Variants in AGMO observed in about 807,000 individuals in gnomAD.
The protein encoded by AGMO is glyceryl-ether monooxygenase.
Under a neutral mutation model 60.2 loss-of-function variants are expected in AGMO, and 75 were observed. The observed-to-expected ratio is 1.25, with a 90% CI of 1.03 to 1.51. The LOEUF is 1.51. Among genes scored for constraint, AGMO ranks in the 40% most tolerant of loss-of-function variants. The pLI, the probability that AGMO is intolerant of heterozygous loss-of-function variation, is 0.00. For missense variants in AGMO, 763 were observed against 525.5 expected (o/e 1.45, Z -4.42); for synonymous variants, 261 against 177.1 (o/e 1.47, Z -3.76).
chr7:15,236,097 G>C, intron 12 of AGMO, among the ~76,000 whole-genome samples: 1 of 152,152 alleles, frequency 6.6e-6, no homozygotes, highest in South Asian at 2.1e-4. Flanking sequence ...TGAGCAAGAG[G>C]GGAAAGCACA....
chr7:15,293,944 G>C lies in AGMO; in HGVS notation c.1263+71570C>G, dbSNP rs571518270. Among the ~76,000 whole-genome samples, 151 of 151,092 alleles carry C rather than the reference G, an allele frequency of 1.0e-3. 1 individual carries two copies. The Middle Eastern group carries it at 0.01, about 10-fold the overall frequency. On this transcript the variant is annotated intron_variant, in intron 12 of 12. Coordinates refer to ENST00000342526, the MANE Select transcript of AGMO (RefSeq NM_001004320.2). ...AGAAATAATGTTATTAGGTAAAGTT[G>C]AATTTAACAGAAGGTCTAAGTAAAG...
At chr7:15,469,409 C>T (rs1782379856) in intron 3 of AGMO, among the ~76,000 whole-genome samples, 1 of 152,060 alleles carries the variant, frequency 6.6e-6, no homozygotes, top group South Asian at 2.1e-4. Context: ...AACAACTAAA[C>T]CGACTATAAC....
intron 12 of AGMO, among the ~76,000 whole-genome samples, chr7:15,314,779 C>A (rs938054325): frequency 6.6e-6 from 1 of 151,970 alleles, no homozygotes; most frequent in Non-Finnish European, 1.5e-5. Flanking sequence ...AATCTTAAGA[C>A]AAGCAGATCA....
At chr7:15,426,096 G>A (rs577956318) in intron 4 of AGMO, among the ~76,000 whole-genome samples, 1 of 152,054 alleles carries the variant, frequency 6.6e-6, no homozygotes, top group African/African-American at 2.4e-5. Context: ...GTAATTTTTG[G>A]AGTGTCTATT....
chr7:15,343,238 T>G (rs1251655968), intron 12 of AGMO, among the ~76,000 whole-genome samples: 1 of 152,156 alleles, frequency 6.6e-6, no homozygotes, highest in Non-Finnish European at 1.5e-5. Flanking sequence ...AATGACAGAA[T>G]GTAGTAATAT....
At chr7:15,295,222 T>C (rs1452217061) in intron 12 of AGMO, among the ~76,000 whole-genome samples, 1 of 151,972 alleles carries the variant, frequency 6.6e-6, no homozygotes, top group Non-Finnish European at 1.5e-5. Flanking sequence ...GCCTCATTCA[T>C]ATTAAGAAAA....
intron 3 of AGMO, among the ~76,000 whole-genome samples, chr7:15,535,060 T>C (rs1043062682): frequency 6.6e-6 from 1 of 151,918 alleles, no homozygotes; most frequent in African/African-American, 2.4e-5. Context: ...GTTATTTGCA[T>C]CTACAGATAA....
At chr7:15,445,398 T>C (rs963740421) in intron 3 of AGMO, among the ~76,000 whole-genome samples, 5 of 152,178 alleles carry the variant, frequency 3.3e-5, no homozygotes, top group Admixed American at 6.5e-5. Flanking sequence ...CAAAGTATAT[T>C]CAATATTATC....
chr7:15,378,889 A>G (rs1019493665), intron 10 of AGMO, among the ~76,000 whole-genome samples: 3 of 152,150 alleles, frequency 2.0e-5, no homozygotes, highest in African/African-American at 7.2e-5. Flanking sequence ...AGCAAATGCA[A>G]AAGAACTGAA....
chr7:15,158,965 G>T, the AGMO span, among the ~76,000 whole-genome samples: 4 of 152,054 alleles, frequency 2.6e-5, no homozygotes, highest in Non-Finnish European at 4.4e-5. Flanking sequence ...CTATTTTTGG[G>T]GTTGGGGTGA....
chr7:15,381,739 C>G (rs1783699006), intron 10 of AGMO, among the ~76,000 whole-genome samples: 2 of 152,138 alleles, frequency 1.3e-5, no homozygotes, highest in South Asian at 2.1e-4. Context: ...CACTGAAACA[C>G]TATTCACAAT....
rs71004386 is a variant in AGMO, at chr7:15,493,362, C to CACCCAT, written c.409+51409_409+51410insATGGGT. On this transcript the variant is annotated intron_variant, in intron 3 of 12. Coordinates refer to ENST00000342526, the MANE Select transcript of AGMO (RefSeq NM_001004320.2). Reference sequence around the variant, plus strand: ...ACACACACACACACACACACACACACTTCTTTTTTTTTTTTTTTTTTTTTT... The same window carrying CACCCAT: ...ACACACACACACACACACACACACACACCCATTTCTTTTTTTTTTTTTTTTTTTTTT... Among the ~76,000 whole-genome samples, 7 of 102,264 alleles carry CACCCAT rather than the reference C, an allele frequency of 6.8e-5. 1 individual carries two copies. The highest frequency in any genetic ancestry group is 3.0e-4 in the East Asian group (1 of 3,302). The allele number at this position is 102,264 out of a possible 152,430, so 67.1% of individuals were successfully genotyped here.
At chr7:15,397,834 C>T (rs1425326742) in intron 5 of AGMO, among the ~76,000 whole-genome samples, 1 of 152,128 alleles carries the variant, frequency 6.6e-6, no homozygotes, top group Non-Finnish European at 1.5e-5. Context: ...GAATACACTC[C>T]TATGAAGTAA....
Position 15,253,354 on chromosome 7 carries a change from C to T in AGMO, c.1264-51995G>A, listed in dbSNP as rs150436636. 3.3e-5 allele frequency among the ~76,000 whole-genome samples: 5 copies of T among 152,092 alleles called. No individual in the cohort carries two copies. In the East Asian group the frequency reaches 9.7e-4, roughly 29 times the overall value. On this transcript the variant is annotated intron_variant, in intron 12 of 12. Transcript: ENST00000342526. ...CTTTCTTTTATTACTTTGACTTTCC[C>T]AACTAAACAGGGAGTAAGACTATCA...
intron 12 of AGMO, chr7:15,306,500 CAAACTT>C (rs1780618225): frequency 2.1e-6 from 1 of 468,920 alleles, no homozygotes; most frequent in Non-Finnish European, 4.4e-6. Flanking sequence ...GACAGTCACT[CAAACTT>C]AAAAGTTCTC....
chr7:15,401,177 C>T (rs1784543850), intron 5 of AGMO, among the ~76,000 whole-genome samples: 2 of 151,684 alleles, frequency 1.3e-5, no homozygotes, highest in Admixed American at 6.6e-5. Flanking sequence ...TTGTGTCTTT[C>T]CCATTTAAAT....
chr7:15,198,257 C>CATTCGAGAGAGAGAGAGAG (rs1781184973), downstream of AGMO, among the ~76,000 whole-genome samples: 4 of 56,588 alleles, frequency 7.1e-5, no homozygotes, highest in African/African-American at 3.9e-4. Context: ...GAGAGAGAGA[C>CATTCGAGAGAGAGAGAGAG]AGAGACAGAG....
chr7:15,384,894 T>C (rs1209251910), intron 10 of AGMO, among the ~76,000 whole-genome samples: 1 of 150,530 alleles, frequency 6.6e-6, no homozygotes, highest in Admixed American at 6.7e-5. Context: ...CTAGGTAGTA[T>C]GAGTATTCTT....
At chr7:15,385,139 C>G (rs1212367345) in intron 10 of AGMO, among the ~76,000 whole-genome samples, 1 of 152,152 alleles carries the variant, frequency 6.6e-6, no homozygotes, top group Non-Finnish European at 1.5e-5. Context: ...TTAATTCTGA[C>G]TTCTGAAGTA....
Sources: allele counts gnomAD v4.1 joint callset (sites outside exome capture counted in the v4.1 genomes callset), GRCh38; gene constraint gnomAD v4.1.1; transcripts MANE v1.5; gene names NCBI Gene and HGNC (gene_info 2026-07-23, HGNC 2026-07-21).